Variants in RASA1 observed in about 807,000 individuals in gnomAD.
RASA1 encodes ras GTPase-activating protein 1.
Under a neutral mutation model 132.2 loss-of-function variants are expected in RASA1, and 25 were observed. That is an observed-to-expected ratio of 0.19 (90% CI 0.14 to 0.26). The LOEUF (loss-of-function observed/expected upper bound fraction) is 0.26, where lower values mean the gene tolerates loss of function less well. Ranked by LOEUF, RASA1 falls within the 10% of genes least tolerant of loss-of-function variation. The probability of loss-of-function intolerance (pLI) is 1.00; values close to 1 mark genes in which losing one functional copy is unlikely to be tolerated. For synonymous variants in RASA1, 477 were observed against 449.9 expected, an observed-to-expected ratio of 1.06 and a Z score of -0.76; for missense variants, 964 against 1,299.2, an observed-to-expected ratio of 0.74 and a Z score of 3.97.
At chr5:87,307,442 C>G (rs1755668487) in intron 1 of RASA1, among the ~76,000 whole-genome samples, 2 of 151,034 alleles carry the variant, frequency 1.3e-5, no homozygotes, top group Admixed American at 1.3e-4. Context: ...GCCTGGGCAA[C>G]AGAGCGAAAC....
At position 87,339,536 on chromosome 5, in the gene RASA1, A is replaced by G. The variant is rs960523; in HGVS notation, c.1017+1445A>G. Among the ~76,000 whole-genome samples, 1,233 of 152,250 alleles carry G rather than the reference A, an allele frequency of 8.1e-3. 42 individuals are homozygous for G. The highest frequency in any genetic ancestry group is 0.061 in the Admixed American group (928 of 15,282). ...CCTGATTACTTCAAGAAATTGCACT[A>G]TAGTTGAACTTTTCTTGAGCTCTTG... On this transcript the variant is annotated intron_variant, in intron 5 of 24. Coordinates refer to ENST00000274376, the MANE Select transcript of RASA1 (RefSeq NM_002890.3).
chr5:87,303,085 G>T (rs1441802185), intron 1 of RASA1, among the ~76,000 whole-genome samples: 1 of 152,044 alleles, frequency 6.6e-6, no homozygotes, highest in Non-Finnish European at 1.5e-5. Flanking sequence ...TTTCATACAT[G>T]TGTGAGTTTG....
intron 12 of RASA1, among the ~76,000 whole-genome samples, 190 bp from the exon 13 acceptor site, chr5:87,371,925 TTTA>T (rs1050148727): frequency 2.0e-5 from 3 of 151,944 alleles, no homozygotes; most frequent in South Asian, 2.1e-4. Flanking sequence ...TTTTGGTTGT[TTTA>T]TTATTGTTAT....
intron 1 of RASA1, among the ~76,000 whole-genome samples, chr5:87,297,294 T>A (rs1755163712): frequency 6.6e-6 from 1 of 152,226 alleles, no homozygotes; most frequent in African/African-American, 2.4e-5. Context: ...TTCAAGCTGT[T>A]TTTTGCCTTT....
chr5:87,274,165 G>C (rs1200051923), intron 1 of RASA1, among the ~76,000 whole-genome samples: 1 of 152,114 alleles, frequency 6.6e-6, no homozygotes, highest in East Asian at 1.9e-4. Context: ...TCTCCACCAG[G>C]TCTGCTTTGC....
chr5:87,286,065 T>C (rs1004859043), intron 1 of RASA1, among the ~76,000 whole-genome samples: 7 of 152,006 alleles, frequency 4.6e-5, no homozygotes, highest in Non-Finnish European at 8.8e-5. Context: ...TGCAGTGGCA[T>C]GATCTTGGCT....
In RASA1 at chr5:87,295,394, GTTTC is replaced by G. The variant is rs536150883; in HGVS notation, c.539+26408_539+26411del. ...CTTACGATTTTCTATTTGTTGCCCT[GTTTC>G]TTTGTAACTTTTTGTTATGCACTTT... On this transcript the variant is annotated intron_variant, in intron 1 of 24. Transcript: ENST00000274376. Among the ~76,000 whole-genome samples, 300 of 151,258 alleles carry G rather than the reference GTTTC, an allele frequency of 2.0e-3. 3 individuals are homozygous for G. The highest frequency in any genetic ancestry group is 6.9e-3 in the African/African-American group (285 of 41,298).
At chr5:87,324,123 G>A (rs1196442976) in intron 1 of RASA1, among the ~76,000 whole-genome samples, 1 of 152,154 alleles carries the variant, frequency 6.6e-6, no homozygotes, top group Non-Finnish European at 1.5e-5. Flanking sequence ...TTATCTTCAT[G>A]TGCTGAATGG....
intron 11 of RASA1, 128 bp downstream of exon 11, chr5:87,363,632 T>C (rs1760280637): frequency 9.3e-7 from 1 of 1,078,972 alleles, no homozygotes; most frequent in Non-Finnish European, 1.4e-6. Flanking sequence ...TCTAGGTAAT[T>C]TTTGCCTTCC....
chr5:87,361,040 C>A (rs1021100257), intron 9 of RASA1, among the ~76,000 whole-genome samples: 1 of 152,018 alleles, frequency 6.6e-6, no homozygotes, highest in Admixed American at 6.6e-5. Flanking sequence ...ACACACACAC[C>A]CAGAGTGATG....
chr5:87,344,417 T>A (rs1043404268), intron 6 of RASA1, among the ~76,000 whole-genome samples: 1 of 152,132 alleles, frequency 6.6e-6, no homozygotes, highest in African/African-American at 2.4e-5. Flanking sequence ...TAAAAAATGA[T>A]CTGTTATCTG....
chr5:87,292,913 G>T (rs115154430), intron 1 of RASA1, among the ~76,000 whole-genome samples: 2 of 152,048 alleles, frequency 1.3e-5, no homozygotes, highest in Non-Finnish European at 2.9e-5. Flanking sequence ...AATGTAAATG[G>T]TAATGTGTTT....
At chr5:87,315,935 A>G (rs1031994367) in intron 1 of RASA1, among the ~76,000 whole-genome samples, 1 of 152,204 alleles carries the variant, frequency 6.6e-6, no homozygotes, top group African/African-American at 2.4e-5. Flanking sequence ...TGGAATTGCA[A>G]TAAAAATTTT....
intron 1 of RASA1, among the ~76,000 whole-genome samples, chr5:87,313,166 TCTCAGTTTTTG>T (rs1756049888): frequency 6.6e-6 from 1 of 152,216 alleles, no homozygotes; most frequent in African/African-American, 2.4e-5. Flanking sequence ...CACATTTCTA[TCTCAGTTTTTG>T]ATGTGATCAA....
intron 9 of RASA1, among the ~76,000 whole-genome samples, chr5:87,355,370 T>C (rs1277484389): frequency 6.6e-6 from 1 of 152,206 alleles, no homozygotes; most frequent in Admixed American, 6.5e-5. Context: ...ATCAGAATTA[T>C]GCCAAATCTA....
intron 6 of RASA1, among the ~76,000 whole-genome samples, chr5:87,344,732 T>G (rs1447815719): frequency 6.7e-6 from 1 of 149,728 alleles, no homozygotes; most frequent in Non-Finnish European, 1.5e-5. Context: ...CTGCCCAGAC[T>G]GGTCTCAAAC....
At chr5:87,296,174 A>G (rs1226030576) in intron 1 of RASA1, among the ~76,000 whole-genome samples, 1 of 150,914 alleles carries the variant, frequency 6.6e-6, no homozygotes, top group South Asian at 2.1e-4. Context: ...TGCAATATAC[A>G]TTTACAGTTT....
chr5:87,287,139 A>T (rs1218678265), intron 1 of RASA1, among the ~76,000 whole-genome samples: 1 of 147,008 alleles, frequency 6.8e-6, no homozygotes, highest in Admixed American at 6.8e-5. Flanking sequence ...CCATATATAT[A>T]TACACACCGT....
intron 8 of RASA1, among the ~76,000 whole-genome samples, chr5:87,352,227 T>C (rs900534440): frequency 2.6e-5 from 4 of 151,720 alleles, no homozygotes; most frequent in African/African-American, 9.7e-5. Flanking sequence ...TCAGGTCCTT[T>C]TGTTTTGGTT....
Sources: gnomAD v4.1 joint callset for allele counts (sites outside exome capture counted in the v4.1 genomes callset) on GRCh38, gnomAD v4.1.1 for gene constraint, MANE v1.5 for transcripts, NCBI Gene and HGNC (gene_info 2026-07-23, HGNC 2026-07-21) for gene names.